MKNK1: variants seen among roughly 807,000 people sequenced by gnomAD.
The protein encoded by MKNK1 is MAPK interacting serine/threonine kinase 1, also known as MAP kinase-interacting serine/threonine-protein kinase 1.
Under a neutral mutation model 49.3 loss-of-function variants are expected in MKNK1, and 30 were observed. That is an observed-to-expected ratio of 0.61 (90% CI 0.46 to 0.83). The LOEUF is 0.83. MKNK1 is among the 40% of genes least tolerant of loss of function. The probability of loss-of-function intolerance (pLI) is 0.00; values close to 1 mark genes in which losing one functional copy is unlikely to be tolerated. For missense variants in MKNK1, 423 were observed against 524.7 expected, an observed-to-expected ratio of 0.81 and a Z score of 1.89; for synonymous variants, 176 against 201.7, an observed-to-expected ratio of 0.87 and a Z score of 1.08.
At chr1:46,566,071 C>G (rs933371845) in intron 8 of MKNK1, among the ~76,000 whole-genome samples, 3 of 152,192 alleles carry the variant, frequency 2.0e-5, no homozygotes, top group African/African-American at 7.2e-5. Flanking sequence ...ACCATCACCA[C>G]GATCTGTTTC....
At position 46,576,612 on chromosome 1, in the gene MKNK1, GA is replaced by G; in HGVS notation, c.240del (p.Arg81GlufsTer18). 1 of 1,614,024 alleles carries G rather than the reference GA, an allele frequency of 6.2e-7. No individual in the cohort carries two copies. The highest frequency in any genetic ancestry group is 8.5e-7 in the Non-Finnish European group (1 of 1,179,986). ...KQAGHSRSRV[F>X]REVETLYQCQ... ...CACTGATACAGCGTCTCCACCTCTC[GA>G]AACACCCTACTCCGACTGTGCCCTG... is the stretch of plus-strand genomic sequence containing the variant. On this transcript the variant is annotated frameshift_variant, in exon 5 of 13. Coordinates refer to ENST00000371945, the MANE Select transcript of MKNK1 (RefSeq NM_001135553.4). LOFTEE classifies it high-confidence loss of function.
intron 3 of MKNK1, chr1:46,583,014 G>C: frequency 1.5e-6 from 1 of 674,878 alleles, no homozygotes; most frequent in Non-Finnish European, 2.7e-6. Context: ...TTCACAGGAG[G>C]CCAGTGCATC....
intron 11 of MKNK1, among the ~76,000 whole-genome samples, 174 bp from the exon 12 acceptor site, chr1:46,560,451 T>C (rs1667751221): frequency 6.6e-6 from 1 of 152,208 alleles, no homozygotes; most frequent in Non-Finnish European, 1.5e-5. Context: ...AGGTACAATC[T>C]GCAGCCGCAG....
intron 8 of MKNK1, among the ~76,000 whole-genome samples, chr1:46,566,093 C>T (rs376575613): frequency 6.6e-6 from 1 of 152,160 alleles, no homozygotes; most frequent in East Asian, 1.9e-4. Context: ...AAAACTTTTC[C>T]ATCACTCCAA....
chr1:46,562,395 C>CAAAAA (rs66491559), intron 10 of MKNK1, among the ~76,000 whole-genome samples: 8 of 34,344 alleles, frequency 2.3e-4, no homozygotes, highest in Admixed American at 1.2e-3. Flanking sequence ...GACTCCATCT[C>CAAAAA]AAAAAAAAAA....
At chr1:46,603,612 C>A (rs927102532) in intron 1 of MKNK1, among the ~76,000 whole-genome samples, 6 of 152,154 alleles carry the variant, frequency 3.9e-5, no homozygotes, top group Non-Finnish European at 7.3e-5. Context: ...GATCTAAACC[C>A]AGGACTCCCT....
chr1:46,596,452 G>A (rs1674076240), intron 1 of MKNK1, among the ~76,000 whole-genome samples: 1 of 152,140 alleles, frequency 6.6e-6, no homozygotes, highest in Admixed American at 6.5e-5. Context: ...CCAACCCTTG[G>A]CCTACAGTAG....
intron 1 of MKNK1, among the ~76,000 whole-genome samples, chr1:46,595,347 T>A (rs1471851255): frequency 6.6e-6 from 1 of 152,120 alleles, no homozygotes; most frequent in East Asian, 1.9e-4. Context: ...GCTTTCTAAC[T>A]GGAAGTTGGG....
At chr1:46,571,483 C>T (rs1254063369) in intron 7 of MKNK1, 3 of 399,430 alleles carry the variant, frequency 7.5e-6, no homozygotes, top group African/African-American at 2.2e-5. Flanking sequence ...GTTGGGGCTG[C>T]AGTGAGCCCT....
At chr1:46,585,305 C>G (rs1351154833) in intron 2 of MKNK1, among the ~76,000 whole-genome samples, 1 of 99,748 alleles carries the variant, frequency 1.0e-5, no homozygotes, top group Non-Finnish European at 2.1e-5. Flanking sequence ...AAAAAAAAAT[C>G]AGCACCTCAA....
intron 1 of MKNK1, among the ~76,000 whole-genome samples, chr1:46,603,254 C>CCTA (rs1432548388): frequency 6.6e-6 from 1 of 152,164 alleles, no homozygotes; most frequent in East Asian, 1.9e-4. Context: ...AGACATTACA[C>CCTA]CTACTGTCCA....
At chr1:46,584,221 T>G (rs905427587) in intron 2 of MKNK1, among the ~76,000 whole-genome samples, 1 of 152,232 alleles carries the variant, frequency 6.6e-6, no homozygotes, top group Non-Finnish European at 1.5e-5. Context: ...CAGTCCTGTT[T>G]CTAAGACACT....
intron 6 of MKNK1, among the ~76,000 whole-genome samples, chr1:46,572,751 G>A (rs187451982): frequency 1.4e-4 from 21 of 152,252 alleles, no homozygotes; most frequent in African/African-American, 3.6e-4. Context: ...AAACACTAAT[G>A]ATGCTGAGGC....
chr1:46,580,669 C>A, intron 3 of MKNK1, 42 bp from the exon 4 acceptor site: 3 of 1,412,190 alleles, frequency 2.1e-6, no homozygotes, highest in Non-Finnish European at 3.0e-6. Context: ...GATGAGTCAC[C>A]CTACTGCAAG....
Position 46,568,481 on chromosome 1 carries a change from G to A in MKNK1, c.475C>T (p.Leu159=). ...LHTKGIAHRD[L]KPENILCESP... is the part of the protein sequence containing the mutation. Reference sequence around the variant, plus strand: ...TCACACAATATATTTTCTGGTTTCAGATCACGATGAGCAATGCCTGACATG... The same window carrying A: ...TCACACAATATATTTTCTGGTTTCAAATCACGATGAGCAATGCCTGACATG... The change falls in exon 8 of 13, where the codon CTG becomes TTG. Residue 159 remains leucine, a synonymous_variant. Transcript: ENST00000371945. 9 of 1,614,106 alleles carry A rather than the reference G, an allele frequency of 5.6e-6. No homozygotes were observed. The highest frequency in any genetic ancestry group is 7.6e-6 in the Non-Finnish European group (9 of 1,179,992).
chr1:46,602,701 C>A (rs1160638088), intron 1 of MKNK1, among the ~76,000 whole-genome samples: 2 of 152,046 alleles, frequency 1.3e-5, no homozygotes, highest in South Asian at 2.1e-4. Flanking sequence ...TTATGTGTGG[C>A]CCAAGATGGT....
At chr1:46,579,014 A>G (rs1194353119) in intron 4 of MKNK1, among the ~76,000 whole-genome samples, 1 of 152,162 alleles carries the variant, frequency 6.6e-6, no homozygotes, top group Admixed American at 6.6e-5. Flanking sequence ...TCAGCCTCCC[A>G]AAGTGCTGGG....
rs995396036 is a variant in MKNK1 at position 46,583,027 on chromosome 1, C to T, written c.100+201G>A. The T allele has an allele frequency of 1.2e-5, 8 of 678,236 alleles. No individual in the cohort carries two copies. In the African/African-American group the frequency reaches 1.4e-4, roughly 12 times the overall value. The allele number at this position is 678,236 out of a possible 1,614,324, so 42.0% of individuals were successfully genotyped here. A position where few individuals can be genotyped will look rare whatever the true frequency, so the allele number is the denominator to read the frequency against. ...CATTCACAGGAGGCCAGTGCATCAT[C>T]TGAGAGCTTTTTCCATCCCTGCTCT... On this transcript the variant is annotated intron_variant, in intron 3 of 12. Transcript: ENST00000371945.
At chr1:46,559,207 G>A (rs1667498148) in intron 12 of MKNK1, among the ~76,000 whole-genome samples, 1 of 152,244 alleles carries the variant, frequency 6.6e-6, no homozygotes, top group Admixed American at 6.5e-5. Flanking sequence ...CCAGCACCTA[G>A]CTCAGGGCTA....
Sources: allele counts gnomAD v4.1 joint callset (sites outside exome capture counted in the v4.1 genomes callset), GRCh38; gene constraint gnomAD v4.1.1; transcripts MANE v1.5; gene names NCBI Gene and HGNC (gene_info 2026-07-23, HGNC 2026-07-21).